Variants in ANO4 observed in about 807,000 individuals in gnomAD.
The protein encoded by ANO4 is anoctamin-4.
A neutral mutation model predicts 141.9 loss-of-function variants in ANO4; 69 were observed. The observed-to-expected ratio is 0.49, with a 90% CI of 0.40 to 0.59. The LOEUF (loss-of-function observed/expected upper bound fraction) is 0.59. Among genes scored for constraint, ANO4 ranks in the 20% least tolerant of loss-of-function variants. ANO4 has a pLI of 0.00. For synonymous variants in ANO4, 350 were observed against 394.3 expected (o/e 0.89, Z 1.33); for missense variants, 894 against 1,162.2 (o/e 0.77, Z 3.36).
chr12:100,827,021 C>T (rs898217367), intron 1 of ANO4, among the ~76,000 whole-genome samples: 19 of 152,040 alleles, frequency 1.2e-4, no homozygotes, highest in Non-Finnish European at 1.5e-5. Context: ...TCTACTTCCC[C>T]AGGCCAACTT....
intron 5 of ANO4, among the ~76,000 whole-genome samples, chr12:100,955,037 C>T (rs1011403753): frequency 6.6e-6 from 1 of 152,144 alleles, no homozygotes; most frequent in Non-Finnish European, 1.5e-5. Flanking sequence ...TTCCCTTTGT[C>T]GTGTCCAGCC....
chr12:101,127,797 G>C (rs2051384274), intron 27 of ANO4, 64 bp from the exon 28 acceptor site: 1 of 152,604 alleles, frequency 6.6e-6, no homozygotes, highest in Non-Finnish European at 1.5e-5. Flanking sequence ...ACAAACTATT[G>C]CACCTCATGT....
intron 2 of ANO4, among the ~76,000 whole-genome samples, chr12:100,919,563 T>A (rs2041510320): frequency 6.6e-6 from 1 of 152,096 alleles, no homozygotes; most frequent in Non-Finnish European, 1.5e-5. Flanking sequence ...CAACTATGTT[T>A]GTGTAAGTAC....
intron 8 of ANO4, among the ~76,000 whole-genome samples, chr12:100,995,528 A>G (rs2045330944): frequency 6.6e-6 from 1 of 152,164 alleles, no homozygotes; most frequent in South Asian, 2.1e-4. Context: ...GTGAAGCATG[A>G]TGTATTTATA....
At chr12:100,811,560 T>C (rs545216031) in intron 1 of ANO4, among the ~76,000 whole-genome samples, 1 of 152,262 alleles carries the variant, frequency 6.6e-6, no homozygotes, top group Non-Finnish European at 1.5e-5. Context: ...AAAATTGATG[T>C]TGGAAACCAT....
chr12:100,990,193 GGATA>G (rs1350463937), intron 8 of ANO4, among the ~76,000 whole-genome samples: 1 of 152,126 alleles, frequency 6.6e-6, no homozygotes, highest in East Asian at 1.9e-4. Context: ...ATGAATATAT[GGATA>G]GATGGATGGA....
chr12:101,020,083 A>G lies in ANO4; in HGVS notation c.784A>G (p.Arg262Gly). The G allele has an allele frequency of 4.3e-6, 7 of 1,613,816 alleles. No individual in the cohort carries two copies. Among genetic ancestry groups the G allele is most frequent in the Non-Finnish European group, 5.9e-6 (7 of 1,179,746 alleles). The part of the protein sequence containing the change: ...ETFFNNATRS[R>G]IVHHILQRIK... ...GTTCTTCAACAATGCCACAAGAAGT[A>G]GAATCGTGCATCACATTTTACAAAG... Residue 262 changes from arginine to glycine, a missense_variant, in exon 9 of 28, where the codon AGA (arginine) becomes GGA (glycine). By Grantham distance (125) the Arg-to-Gly change is moderately radical. Coordinates refer to ENST00000392977, the MANE Select transcript of ANO4 (RefSeq NM_001286615.2).
intron 14 of ANO4, chr12:101,068,519 G>C: frequency 8.9e-7 from 1 of 1,124,718 alleles, no homozygotes; most frequent in Non-Finnish European, 1.4e-6. Context: ...TATTTTCCTG[G>C]AATATGATCA....
intron 1 of ANO4, among the ~76,000 whole-genome samples, chr12:100,848,288 A>G (rs1788429687): frequency 6.6e-6 from 1 of 152,064 alleles, no homozygotes; most frequent in Non-Finnish European, 1.5e-5. Flanking sequence ...TTGCATTGGG[A>G]GGGAGGAGCA....
At chr12:101,005,944 A>G (rs923662854) in intron 8 of ANO4, among the ~76,000 whole-genome samples, 2 of 151,844 alleles carry the variant, frequency 1.3e-5, no homozygotes, top group African/African-American at 4.8e-5. Flanking sequence ...TTCTTCCAGA[A>G]TTATCCAGAT....
intron 2 of ANO4, among the ~76,000 whole-genome samples, chr12:100,737,634 G>C (rs771779983): frequency 6.6e-6 from 1 of 152,200 alleles, no homozygotes; most frequent in Non-Finnish European, 1.5e-5. Context: ...GAATGATTCT[G>C]CATAGGCAAT....
chr12:101,075,315 C>T (rs926498047), intron 14 of ANO4, among the ~76,000 whole-genome samples: 1 of 152,096 alleles, frequency 6.6e-6, no homozygotes, highest in Non-Finnish European at 1.5e-5. Flanking sequence ...AGCTTTGCAT[C>T]GTGAGCTGCT....
chr12:100,860,332 G>T (rs764991708), intron 1 of ANO4, among the ~76,000 whole-genome samples: 1 of 152,138 alleles, frequency 6.6e-6, no homozygotes, highest in Non-Finnish European at 1.5e-5. Context: ...GTTTCATTTG[G>T]TTTTAAAACT....
intron 3 of ANO4, among the ~76,000 whole-genome samples, chr12:100,776,933 A>G (rs547118903): frequency 6.6e-6 from 1 of 152,182 alleles, no homozygotes; most frequent in Non-Finnish European, 1.5e-5. Context: ...CTTTAGGGAC[A>G]TTGCTTACCA....
chr12:101,060,316 A>G (rs532001036), intron 14 of ANO4, among the ~76,000 whole-genome samples: 1 of 152,298 alleles, frequency 6.6e-6, no homozygotes, highest in East Asian at 1.9e-4. Context: ...GGTCAATTTT[A>G]GAATAAGTGC....
chr12:100,935,245 T>C (rs373639866), intron 3 of ANO4, among the ~76,000 whole-genome samples: 3 of 152,308 alleles, frequency 2.0e-5, no homozygotes, highest in Non-Finnish European at 2.9e-5. Context: ...AAATAGCTCT[T>C]ATTATTTTGA....
At chr12:100,718,276 G>A (rs1473450119) in intron 1 of ANO4, among the ~76,000 whole-genome samples, 1 of 152,172 alleles carries the variant, frequency 6.6e-6, no homozygotes, top group Admixed American at 6.5e-5. Context: ...TCTTATCAAC[G>A]TTCTTGCTTG....
At chr12:101,115,681 T>C (rs1165010977) in intron 24 of ANO4, among the ~76,000 whole-genome samples, 2 of 152,230 alleles carry the variant, frequency 1.3e-5, no homozygotes, top group Non-Finnish European at 2.9e-5. Flanking sequence ...TAAAACTGTT[T>C]AGAGACTTGG....
intron 8 of ANO4, among the ~76,000 whole-genome samples, chr12:101,017,453 AG>A (rs1231901395): frequency 6.6e-6 from 1 of 152,186 alleles, no homozygotes; most frequent in Non-Finnish European, 1.5e-5. Context: ...TGCATTTCAG[AG>A]TGAGGGCATG....
Sources: allele counts gnomAD v4.1 joint callset (sites outside exome capture counted in the v4.1 genomes callset), GRCh38; gene constraint gnomAD v4.1.1; transcripts MANE v1.5; gene names NCBI Gene and HGNC (gene_info 2026-07-23, HGNC 2026-07-21).